The following MYRIP variants were observed in gnomAD, a reference collection of about 807,000 sequenced individuals.
MYRIP encodes rab effector MyRIP.
In MYRIP, 49 loss-of-function variants were observed where a neutral mutation model predicts 98.0. That is an observed-to-expected ratio of 0.50 (90% CI 0.40 to 0.63). The LOEUF (loss-of-function observed/expected upper bound fraction) is 0.63, where lower values mean the gene tolerates loss of function less well. Among genes scored for constraint, MYRIP ranks in the 30% least tolerant of loss-of-function variants. The probability of loss-of-function intolerance (pLI) is 0.00; values close to 1 mark genes in which losing one functional copy is unlikely to be tolerated. For synonymous variants in MYRIP, 404 were observed against 409.5 expected (o/e 0.99, Z 0.16); for missense variants, 1,004 against 1,058.2 (o/e 0.95, Z 0.71).
intron 8 of MYRIP, among the ~76,000 whole-genome samples, chr3:40,180,980 G>C (rs1311783320): frequency 6.6e-6 from 1 of 152,198 alleles, no homozygotes; most frequent in Non-Finnish European, 1.5e-5. Context: ...CTGGTCCAGA[G>C]TCCTTAGGAG....
chr3:40,253,314 G>A (rs1342337268), intron 16 of MYRIP, among the ~76,000 whole-genome samples: 2 of 152,148 alleles, frequency 1.3e-5, no homozygotes, highest in Non-Finnish European at 2.9e-5. Flanking sequence ...TATCCTGACC[G>A]TGCAAAGGTA....
chr3:40,131,226 A>G (rs1310476381), intron 3 of MYRIP, among the ~76,000 whole-genome samples: 1 of 152,208 alleles, frequency 6.6e-6, no homozygotes, highest in Admixed American at 6.5e-5. Context: ...TCTAAACTCC[A>G]TATAAGCAAA....
chr3:39,884,893 G>T (rs922033055), intron 1 of MYRIP, among the ~76,000 whole-genome samples: 2 of 147,412 alleles, frequency 1.4e-5, no homozygotes, highest in African/African-American at 2.5e-5. Context: ...CAAAGAAAAT[G>T]AATCTCAATC....
intron 2 of MYRIP, among the ~76,000 whole-genome samples, chr3:40,026,482 C>A (rs1947132257): frequency 1.3e-5 from 2 of 152,098 alleles, no homozygotes; most frequent in African/African-American, 4.8e-5. Context: ...TGACATACAT[C>A]CTCAGCTTAC....
rs1022685968 is a variant in MYRIP at position 39,912,190 on chromosome 3, T to G, written c.110+11264T>G. Among the ~76,000 whole-genome samples the G allele has an allele frequency of 3.3e-5, 5 of 152,050 alleles. No individual in the cohort carries two copies. In the East Asian group the frequency reaches 5.8e-4, roughly 18 times the overall value. On this transcript the variant is annotated intron_variant, in intron 2 of 16. Coordinates refer to ENST00000302541, the MANE Select transcript of MYRIP (RefSeq NM_015460.4). ...CTATCGGTGGGTGTGGGCCTAAGAC[T>G]TAGGACCCCTTCCCTGGCTAATTCT...
At chr3:40,024,247 G>C (rs12630467) in intron 2 of MYRIP, among the ~76,000 whole-genome samples, 1 of 152,080 alleles carries the variant, frequency 6.6e-6, no homozygotes, top group African/African-American at 2.4e-5. Flanking sequence ...CTGGTCTGTC[G>C]TATGCACTGT....
intron 3 of MYRIP, among the ~76,000 whole-genome samples, chr3:40,127,677 A>G (rs528291524): frequency 4.4e-4 from 67 of 152,322 alleles, no homozygotes; most frequent in South Asian, 1.5e-3. Context: ...TGAGCCCCAC[A>G]GGCTGTGCTA....
chr3:39,852,801 C>T (rs946475793), intron 1 of MYRIP, among the ~76,000 whole-genome samples: 27 of 151,954 alleles, frequency 1.8e-4, no homozygotes, highest in Non-Finnish European at 1.2e-4. Context: ...CTCCTCTTCT[C>T]GAGATAGTCT....
intron 1 of MYRIP, among the ~76,000 whole-genome samples, chr3:39,888,915 A>C (rs1291501762): frequency 6.6e-6 from 1 of 152,152 alleles, no homozygotes; most frequent in Admixed American, 6.6e-5. Context: ...GCAGCCAAAA[A>C]ACACATGAAA....
intron 3 of MYRIP, among the ~76,000 whole-genome samples, chr3:40,144,526 T>A (rs183352115): frequency 6.6e-6 from 1 of 152,330 alleles, no homozygotes; most frequent in East Asian, 1.9e-4. Context: ...TGTGGACCCT[T>A]CCAGCTGCAG....
At chr3:40,216,402 C>A (rs1559459058) in intron 11 of MYRIP, among the ~76,000 whole-genome samples, 1 of 152,026 alleles carries the variant, frequency 6.6e-6, no homozygotes, top group Non-Finnish European at 1.5e-5. Context: ...GCAGAATAAG[C>A]AAGATTGTGC....
intron 2 of MYRIP, among the ~76,000 whole-genome samples, chr3:40,038,245 C>T (rs1947426965): frequency 6.6e-6 from 1 of 151,902 alleles, no homozygotes; most frequent in Admixed American, 6.6e-5. Flanking sequence ...CTGCAAGGTA[C>T]AACAAAAATG....
intron 11 of MYRIP, among the ~76,000 whole-genome samples, chr3:40,219,648 T>C (rs1433499682): frequency 6.6e-6 from 1 of 152,128 alleles, no homozygotes; most frequent in Non-Finnish European, 1.5e-5. Context: ...TCCATGTCCC[T>C]ACAAAGGAAA....
intron 2 of MYRIP, among the ~76,000 whole-genome samples, chr3:40,030,769 A>G (rs527900681): frequency 2.0e-5 from 3 of 152,254 alleles, no homozygotes; most frequent in Non-Finnish European, 4.4e-5. Flanking sequence ...AATGTTCAGA[A>G]TAGGCAAACT....
chr3:39,835,610 A>G (rs1941594844), intron 1 of MYRIP, among the ~76,000 whole-genome samples: 1 of 152,126 alleles, frequency 6.6e-6, no homozygotes, highest in Admixed American at 6.6e-5. Flanking sequence ...TTTTTTTATT[A>G]TACTTTAAGT....
chr3:39,972,294 T>C (rs1945606428), intron 2 of MYRIP, among the ~76,000 whole-genome samples: 1 of 152,014 alleles, frequency 6.6e-6, no homozygotes, highest in Admixed American at 6.6e-5. Context: ...TTAGTTCTTA[T>C]TCAGAGTGCA....
At chr3:40,192,103 GT>G (rs540619580) in intron 10 of MYRIP, among the ~76,000 whole-genome samples, 45 of 142,198 alleles carry the variant, frequency 3.2e-4, no homozygotes, top group Non-Finnish European at 3.6e-4. Context: ...ACCCTGATGG[GT>G]TTTTTTTTTT....
At chr3:39,810,801 A>G (rs1315096382) in intron 1 of MYRIP, 2 of 152,338 alleles carry the variant, frequency 1.3e-5, no homozygotes, top group East Asian at 1.9e-4. Flanking sequence ...ACGTATCCCA[A>G]AACTCTTAAA....
intron 3 of MYRIP, among the ~76,000 whole-genome samples, chr3:40,070,308 C>T (rs1372129543): frequency 6.6e-6 from 1 of 152,098 alleles, no homozygotes; most frequent in Non-Finnish European, 1.5e-5. Flanking sequence ...CATAGTATTT[C>T]ACAGGACTGC....
Sources: allele counts gnomAD v4.1 joint callset (sites outside exome capture counted in the v4.1 genomes callset), GRCh38; gene constraint gnomAD v4.1.1; transcripts MANE v1.5; gene names NCBI Gene and HGNC (gene_info 2026-07-23, HGNC 2026-07-21).